The following XYLB variants were observed in gnomAD, a reference collection of about 807,000 sequenced individuals.
XYLB encodes the protein xylulokinase.
XYLB carries 62 observed loss-of-function variants against 78.7 expected under a neutral mutation model. The observed-to-expected ratio is 0.79, with a 90% confidence interval of 0.64 to 0.97. The LOEUF (loss-of-function observed/expected upper bound fraction) is 0.97. Among genes scored for constraint, XYLB ranks in the 50% least tolerant of loss-of-function variants. XYLB has a pLI of 0.00. For synonymous variants in XYLB, 245 were observed against 247.4 expected (o/e 0.99, Z 0.09); for missense variants, 687 against 676.8 (o/e 1.02, Z -0.17).
chr3:38,376,832 C>T (rs1257244238), intron 13 of XYLB, 86 bp from the exon 14 acceptor site: 3 of 1,145,440 alleles, frequency 2.6e-6, no homozygotes, highest in Non-Finnish European at 3.9e-6. Context: ...GATATGGGGT[C>T]ATTTTGTCCT....
chr3:38,359,244 C>T (rs954303550), intron 2 of XYLB, among the ~76,000 whole-genome samples: 3 of 152,242 alleles, frequency 2.0e-5, no homozygotes, highest in Non-Finnish European at 4.4e-5. Context: ...GGAACATGTC[C>T]GTAAGGCACA....
chr3:38,348,497 C>T, intron 1 of XYLB, 53 bp from the exon 2 acceptor site: 2 of 1,565,604 alleles, frequency 1.3e-6, no homozygotes, highest in Non-Finnish European at 8.8e-7. Flanking sequence ...CCCCCTGGAC[C>T]AGTGTAGAAG....
chr3:38,382,309 C>CA (rs1002564278), intron 15 of XYLB, among the ~76,000 whole-genome samples: 20 of 151,148 alleles, frequency 1.3e-4, no homozygotes, highest in African/African-American at 4.4e-4. Flanking sequence ...GACCCTGTCT[C>CA]AAAAAAAATA....
At chr3:38,439,529 G>A in the XYLB span, among the ~76,000 whole-genome samples, 450 of 152,264 alleles carry the variant, frequency 3.0e-3, 20 homozygotes, top group East Asian at 0.074. Context: ...TTGGGAGGCC[G>A]AGGCAGGCAG....
rs1705901075 is a variant in XYLB, at chr3:38,360,400, TGG to T, written c.204_205del (p.Trp68CysfsTer101). The T allele has an allele frequency of 6.2e-7, 1 of 1,604,364 alleles. No homozygotes were observed. The highest frequency in any genetic ancestry group is 8.5e-7 in the Non-Finnish European group (1 of 1,175,258). On this transcript the variant is annotated frameshift_variant, in exon 3 of 19. Transcript: ENST00000207870. LOFTEE classifies it high-confidence loss of function. ...GLTVTSPVLM[W>X]VQALDIILEK... The stretch of plus-strand genomic sequence containing the variant: ...GACGGTCACTTCTCCAGTACTAATG[TGG>T]GTCCAGGTAAGCGCAGGGATTCCTA...
chr3:38,431,061 C>T, the XYLB span, among the ~76,000 whole-genome samples: 1 of 152,106 alleles, frequency 6.6e-6, no homozygotes, highest in Admixed American at 6.5e-5. Context: ...TCCATATGAA[C>T]TTTAAAGTAG....
the XYLB span, among the ~76,000 whole-genome samples, chr3:38,433,929 C>A: frequency 6.6e-6 from 1 of 152,130 alleles, no homozygotes; most frequent in African/African-American, 2.4e-5. Flanking sequence ...TGAATAAATA[C>A]CCGAGACTAG....
chr3:38,405,789 A>C (rs544850393), intron 18 of XYLB, among the ~76,000 whole-genome samples: 1 of 152,362 alleles, frequency 6.6e-6, no homozygotes, highest in African/African-American at 2.4e-5. Flanking sequence ...TTGCTAGCAC[A>C]GCAGTCTGAG....
the XYLB span, among the ~76,000 whole-genome samples, chr3:38,437,564 A>G: frequency 3.2e-4 from 49 of 152,352 alleles, no homozygotes; most frequent in African/African-American, 1.2e-3. Flanking sequence ...TGAATTCACT[A>G]AAGTTACAGG....
At chr3:38,389,151 C>G (rs527501534) in intron 15 of XYLB, among the ~76,000 whole-genome samples, 32 of 146,348 alleles carry the variant, frequency 2.2e-4, no homozygotes, top group African/African-American at 6.9e-4. Flanking sequence ...TGACTCTTAA[C>G]GAGCATGCTG....
intron 17 of XYLB, among the ~76,000 whole-genome samples, chr3:38,399,854 A>G (rs899767078): frequency 9.2e-5 from 14 of 152,122 alleles, no homozygotes; most frequent in East Asian, 3.9e-4. Context: ...ATTTGGAGAT[A>G]TCTTCTCCCC....
intron 13 of XYLB, among the ~76,000 whole-genome samples, chr3:38,376,511 T>G (rs1706863476): frequency 6.6e-6 from 1 of 152,164 alleles, no homozygotes; most frequent in Non-Finnish European, 1.5e-5. Flanking sequence ...GGTGACAGCA[T>G]CAGAGAGGGC....
At chr3:38,412,894 A>G in intron 18 of XYLB, 42 bp from the exon 19 acceptor site, 1 of 1,546,478 alleles carries the variant, frequency 6.5e-7, no homozygotes, top group Non-Finnish European at 8.8e-7. Flanking sequence ...TGTAAGAGGC[A>G]TTTTCCCCCT....
At chr3:38,392,090 A>G (rs1056183215) in intron 15 of XYLB, among the ~76,000 whole-genome samples, 2 of 152,032 alleles carry the variant, frequency 1.3e-5, no homozygotes, top group African/African-American at 4.8e-5. Context: ...TCTGCTGCTG[A>G]GTGTAAGGGA....
chr3:38,438,436 G>A, the XYLB span, among the ~76,000 whole-genome samples: 3 of 152,170 alleles, frequency 2.0e-5, no homozygotes, highest in East Asian at 5.8e-4. Flanking sequence ...ATTGCCCAAA[G>A]CAATCTACAG....
intron 3 of XYLB, among the ~76,000 whole-genome samples, chr3:38,362,195 T>C (rs890507532): frequency 1.3e-5 from 2 of 152,172 alleles, no homozygotes; most frequent in Admixed American, 1.3e-4. Context: ...ATCACTAATA[T>C]AGAGGGTTGA....
At chr3:38,359,471 A>G (rs1010952296) in intron 2 of XYLB, among the ~76,000 whole-genome samples, 2 of 152,220 alleles carry the variant, frequency 1.3e-5, no homozygotes, top group Non-Finnish European at 2.9e-5. Flanking sequence ...CCCAGCACCC[A>G]CTAGACTTAG....
At chr3:38,439,305 C>T in the XYLB span, among the ~76,000 whole-genome samples, 1 of 152,170 alleles carries the variant, frequency 6.6e-6, no homozygotes, top group Admixed American at 6.5e-5. Context: ...ATTTGGGATT[C>T]CATTTGTAAG....
chr3:38,386,514 C>T (rs1474292318), intron 15 of XYLB, among the ~76,000 whole-genome samples: 1 of 151,408 alleles, frequency 6.6e-6, no homozygotes, highest in Non-Finnish European at 1.5e-5. Context: ...TTTTCTTTTT[C>T]TTTTCTTTTG....
Sources: gnomAD v4.1 joint callset for allele counts (sites outside exome capture counted in the v4.1 genomes callset) on GRCh38, gnomAD v4.1.1 for gene constraint, MANE v1.5 for transcripts, NCBI Gene and HGNC (gene_info 2026-07-23, HGNC 2026-07-21) for gene names.